ZDHHC12: variants seen among roughly 807,000 people sequenced by gnomAD.
ZDHHC12 encodes the protein palmitoyltransferase ZDHHC12.
In ZDHHC12, 26 loss-of-function variants were observed where a neutral mutation model predicts 33.2. That is an observed-to-expected ratio of 0.78 (90% CI 0.57 to 1.09). The LOEUF is 1.09. ZDHHC12 is among the 50% of genes least tolerant of loss of function. ZDHHC12 has a pLI of 0.00. For synonymous variants in ZDHHC12, 154 were observed against 152.1 expected (o/e 1.01, Z -0.09); for missense variants, 350 against 353.0 (o/e 0.99, Z 0.07).
chr9:128,724,062 A>G lies in ZDHHC12; in HGVS notation c.32T>C (p.Val11Ala), dbSNP rs778180648. ...CACGGTGTGCCCGGTCCGCACCAGGACCCCAGGGCTGAGGAGCGCCCAGGG... is the reference window on the plus strand; with the variant it reads ...CACGGTGTGCCCGGTCCGCACCAGGGCCCCAGGGCTGAGGAGCGCCCAGGG... MAPWALLSPG[V>A]LVRTGHTVLT... Residue 11 changes from valine to alanine, a missense_variant, in exon 1 of 5, where the codon GTC becomes GCC. Transcript: ENST00000372663. 3 of 1,605,020 alleles carry G rather than the reference A, an allele frequency of 1.9e-6. No homozygotes were observed. Among genetic ancestry groups the G allele is most frequent in the Non-Finnish European group, 2.6e-6 (3 of 1,174,342 alleles).
In ZDHHC12 at chr9:128,721,913, T is replaced by G; in HGVS notation, c.315+96A>C. ...AGGGCCTGATTCTGGAAGGCCTTCT[T>G]GGAGGAGGGGCGAGGCCCAGGCAGT... is the stretch of plus-strand genomic sequence containing the variant. On this transcript the variant is annotated intron_variant, in intron 3 of 4. Transcript: ENST00000372663. This position sits in a 1 kb window ranked among gnomAD's most constrained non-coding sequence, Gnocchi z 6.9. The G allele has an allele frequency of 6.2e-7, 1 of 1,603,750 alleles. No individual in the cohort carries two copies. Among genetic ancestry groups the G allele is most frequent in the African/African-American group, 1.3e-5 (1 of 74,796 alleles).
chr9:128,722,911 G>A lies in ZDHHC12; in HGVS notation c.101-337C>T. ...AGTGAGGGAGGAAGGAATGGACAGG[G>A]GGCTGCTGGGTCAAGGGAGCCAGAC... On this transcript the variant is annotated intron_variant, in intron 1 of 4. Transcript: ENST00000372663. This position sits in a 1 kb window ranked among gnomAD's most constrained non-coding sequence, Gnocchi z 4.2. The A allele has an allele frequency of 2.3e-6, 1 of 436,648 alleles. No homozygotes were observed. Among genetic ancestry groups the A allele is most frequent in the East Asian group, 7.3e-5 (1 of 13,756 alleles). The allele number at this position is 436,648 out of a possible 1,614,324, so 27.0% of individuals were successfully genotyped here. A position where few individuals can be genotyped will look rare whatever the true frequency, so the allele number is the denominator to read the frequency against.
rs373582038 is a variant in ZDHHC12 at position 128,722,488 on chromosome 9, C to A, written c.187G>T (p.Ala63Ser). The A allele has an allele frequency of 6.4e-7, 1 of 1,567,700 alleles. No homozygotes were observed. The highest frequency in any genetic ancestry group is 1.9e-5 in the Admixed American group (1 of 53,246). The change falls in exon 2 of 5, where the codon GCT becomes TCT. Residue 63 changes from alanine (A) to serine (S), a missense_variant. Transcript: ENST00000372663. This position sits in a 1 kb window ranked among gnomAD's most constrained non-coding sequence, Gnocchi z 4.2. The part of the protein sequence containing the change: ...LVLGSLLLYL[A>S]VSLMDPGYVN... The stretch of plus-strand genomic sequence containing the variant: ...TAGCCAGGGTCCATGAGTGACACAG[C>A]GAGGTAGAGCAGCAGGGAGCCCAGC...
At position 128,721,467 on chromosome 9, in the gene ZDHHC12, C is replaced by T; in HGVS notation, c.518G>A (p.Trp173Ter). 1 of 1,593,738 alleles carries T rather than the reference C, an allele frequency of 6.3e-7. No homozygotes were observed. The highest frequency in any genetic ancestry group is 8.5e-7 in the Non-Finnish European group (1 of 1,170,758). The stretch of plus-strand genomic sequence containing the variant: ...GAACAGGAGCCCGCTGGACCGCAAC[C>T]ACTGACCCCAGGGCTGGAAGAACCG... ...GLRFFQPWGQ[W>*]LRSSGLLFAT... is the part of the protein sequence containing the mutation. Residue 173 changes from tryptophan to a stop codon, truncating the protein, a stop_gained, in exon 5 of 5, where the codon TGG (tryptophan) becomes TAG (stop). Coordinates refer to ENST00000372663, the MANE Select transcript of ZDHHC12 (RefSeq NM_032799.5). LOFTEE classifies it high-confidence loss of function. This position sits in a 1 kb window ranked among gnomAD's most constrained non-coding sequence, Gnocchi z 6.9.
Position 128,724,100 on chromosome 9 carries a change from G to C in ZDHHC12, c.-7C>G. ...GGAGCGCCCAGGGCGCCATCGCCTC[G>C]GCCCGGGGCCCCACCCGGAAGAAGC... On this transcript the variant is annotated 5_prime_UTR_variant, in exon 1 of 5. Transcript: ENST00000372663. The C allele has an allele frequency of 6.5e-7, 1 of 1,547,590 alleles. No homozygotes were observed. Among genetic ancestry groups the C allele is most frequent in the Non-Finnish European group, 8.7e-7 (1 of 1,143,114 alleles).
chr9:128,721,710 G>T lies in ZDHHC12; in HGVS notation c.423C>A (p.Leu141=), dbSNP rs1343463930. The change falls in exon 4 of 5, where the codon CTC becomes CTA. Residue 141 remains leucine, a synonymous_variant. Coordinates refer to ENST00000372663, the MANE Select transcript of ZDHHC12 (RefSeq NM_032799.5). This position sits in a 1 kb window ranked among gnomAD's most constrained non-coding sequence, Gnocchi z 6.9. ...GCTGCAGCGCCAGGTAGACCACAAA[G>T]AGTGGGTGGTTGCGCTCTCCCACAC... ...ENCVGERNHP[L]FVVYLALQLV... is the part of the protein sequence containing the mutation. The T allele has an allele frequency of 1.2e-6, 2 of 1,613,948 alleles. No individual in the cohort carries two copies. Among genetic ancestry groups the T allele is most frequent in the Non-Finnish European group, 1.7e-6 (2 of 1,180,000 alleles).
Position 128,721,841 on chromosome 9 carries a change from G to C in ZDHHC12, c.316-24C>G. 1 of 1,609,734 alleles carries C rather than the reference G, an allele frequency of 6.2e-7. No homozygotes were observed. The highest frequency in any genetic ancestry group is 8.5e-7 in the Non-Finnish European group (1 of 1,177,854). ...TGCTGTGGGCATGGAGGAGAGTGGA[G>C]GCTCAGTGCCAGCCCTGCTGTGGGC... On this transcript the variant is annotated intron_variant, in intron 3 of 4. Coordinates refer to ENST00000372663, the MANE Select transcript of ZDHHC12 (RefSeq NM_032799.5). This position sits in a 1 kb window ranked among gnomAD's most constrained non-coding sequence, Gnocchi z 6.9.
Position 128,724,024 on chromosome 9 carries a change from T to G in ZDHHC12, c.70A>C (p.Ile24Leu), listed in dbSNP as rs769185065. 1 of 1,613,124 alleles carries G rather than the reference T, an allele frequency of 6.2e-7. No individual in the cohort carries two copies. ...TCGTGCAGGAAGAGCACCAGCGTGA[T>G]TCCCCAGGTCAGCACGGTGTGCCCG... ...RTGHTVLTWG[I>L]TLVLFLHDTE... The change falls in exon 1 of 5, where the codon ATC (isoleucine) becomes CTC (leucine). Residue 24 changes from isoleucine (I) to leucine (L), a missense_variant. Ile to Leu is a conservative substitution (Grantham distance 5, BLOSUM62 2). Coordinates refer to ENST00000372663, the MANE Select transcript of ZDHHC12 (RefSeq NM_032799.5).
Position 128,721,544 on chromosome 9 carries a change from G to C in ZDHHC12, c.483-42C>G. 6.3e-7 allele frequency: 1 copy of C among 1,590,904 alleles called. No homozygotes were observed. Among genetic ancestry groups the C allele is most frequent in the Non-Finnish European group, 8.6e-7 (1 of 1,166,544 alleles). On this transcript the variant is annotated intron_variant, in intron 4 of 4. Coordinates refer to ENST00000372663, the MANE Select transcript of ZDHHC12 (RefSeq NM_032799.5). The surrounding 1 kb of genome is among the most constrained non-coding windows in gnomAD (Gnocchi z 6.9). Reference sequence around the variant, plus strand: ...AGGGGCCTGGTGCTGGGGGAGGGCAGGGGAGCCCTTCCCTCCCCATGCCGG... The same window carrying C: ...AGGGGCCTGGTGCTGGGGGAGGGCACGGGAGCCCTTCCCTCCCCATGCCGG...
chr9:128,722,011 G>A lies in ZDHHC12; in HGVS notation c.313C>T (p.Leu105=), dbSNP rs772190260. ...ACGGGTGTCCGTGCATCACTCACCA[G>A]CACCAGGCAGTATCTGCAGCGCCGA... ...PLRRCRYCLV[L]QPLRARHCRE... Residue 105 remains leucine, a splice_region_variant and synonymous_variant, in exon 3 of 5, where the codon CTG becomes TTG. Transcript: ENST00000372663. The surrounding 1 kb of genome is among the most constrained non-coding windows in gnomAD (Gnocchi z 4.2). 5.0e-6 allele frequency: 8 copies of A among 1,614,032 alleles called. No individual in the cohort carries two copies. The East Asian group carries it at 1.8e-4, about 36-fold the overall frequency.
Position 128,723,844 on chromosome 9 carries a change from A to C in ZDHHC12, c.100+150T>G. On this transcript the variant is annotated intron_variant, in intron 1 of 4. Transcript: ENST00000372663. This position sits in a 1 kb window ranked among gnomAD's most constrained non-coding sequence, Gnocchi z 4.4. ...AGACAGAGAGCAGGTGGCTCTTGGA[A>C]TGATAGATGGGGAGAGGGCTTCAGG... 1 of 1,213,870 alleles carries C rather than the reference A, an allele frequency of 8.2e-7. No individual in the cohort carries two copies. The highest frequency in any genetic ancestry group is 1.1e-6 in the Non-Finnish European group (1 of 875,418). 75.2% of individuals were successfully genotyped at this position (1,213,870 alleles called of 1,614,324 possible). A position where few individuals can be genotyped will look rare whatever the true frequency, so the allele number is the denominator to read the frequency against.
In ZDHHC12 at chr9:128,722,385, G is replaced by C; in HGVS notation, c.237+53C>G. On this transcript the variant is annotated intron_variant, in intron 2 of 4. Coordinates refer to ENST00000372663, the MANE Select transcript of ZDHHC12 (RefSeq NM_032799.5). The surrounding 1 kb of genome is among the most constrained non-coding windows in gnomAD (Gnocchi z 4.2). ...CCTGCAGCACAGAGCCTGGCATGGA[G>C]ACTGGTGCTGGTTGTTAGGTCCCTG... The C allele has an allele frequency of 6.2e-6, 9 of 1,459,220 alleles. No individual in the cohort carries two copies. The highest frequency in any genetic ancestry group is 7.3e-6 in the Non-Finnish European group (8 of 1,103,232). 90.4% of individuals were successfully genotyped at this position (1,459,220 alleles called of 1,614,324 possible).
In ZDHHC12 at chr9:128,723,725, G is replaced by C; in HGVS notation, c.100+269C>G. On this transcript the variant is annotated intron_variant, in intron 1 of 4. Transcript: ENST00000372663. This position sits in a 1 kb window ranked among gnomAD's most constrained non-coding sequence, Gnocchi z 4.4. Reference sequence around the variant, plus strand: ...GGACATGGGGCTCAAGTCGGTCCTTGGATCTGGTGGGCACCGGCTGGGTCC... The same window carrying C: ...GGACATGGGGCTCAAGTCGGTCCTTCGATCTGGTGGGCACCGGCTGGGTCC... The C allele has an allele frequency of 1.9e-6, 1 of 523,128 alleles. No individual in the cohort carries two copies. Among genetic ancestry groups the C allele is most frequent in the East Asian group, 3.2e-5 (1 of 31,500 alleles). The allele number at this position is 523,128 out of a possible 1,614,324, so 32.4% of individuals were successfully genotyped here.
At position 128,721,330 on chromosome 9, in the gene ZDHHC12, G is replaced by C. The variant is rs199869993; in HGVS notation, c.655C>G (p.Arg219Gly). The C allele has an allele frequency of 7.5e-6, 12 of 1,592,700 alleles. No individual in the cohort carries two copies. The East Asian group carries it at 2.7e-4, about 36-fold the overall frequency. ...GGGCGCTGGCGGAGATAGGCGATGC[G>C]GTGTGAGGAGATGAATTCCCAGGTG... is the stretch of plus-strand genomic sequence containing the variant. ...TTTWEFISSH[R>G]IAYLRQRPSN... is the part of the protein sequence containing the mutation. Residue 219 changes from arginine (R) to glycine (G), a missense_variant, in exon 5 of 5, where the codon CGC (arginine) becomes GGC (glycine). Coordinates refer to ENST00000372663, the MANE Select transcript of ZDHHC12 (RefSeq NM_032799.5). The surrounding 1 kb of genome is among the most constrained non-coding windows in gnomAD (Gnocchi z 6.9).
chr9:128,721,525 C>G lies in ZDHHC12; in HGVS notation c.483-23G>C, dbSNP rs990871957. The G allele has an allele frequency of 6.3e-7, 1 of 1,597,314 alleles. No individual in the cohort carries two copies. Among genetic ancestry groups the G allele is most frequent in the African/African-American group, 1.3e-5 (1 of 74,514 alleles). On this transcript the variant is annotated intron_variant, in intron 4 of 4. Transcript: ENST00000372663. This position sits in a 1 kb window ranked among gnomAD's most constrained non-coding sequence, Gnocchi z 6.9. Reference sequence around the variant, plus strand: ...GACCTGCGGTGCAGGGGACAGGGGCCTGGTGCTGGGGGAGGGCAGGGGAGC... The same window carrying G: ...GACCTGCGGTGCAGGGGACAGGGGCGTGGTGCTGGGGGAGGGCAGGGGAGC...
rs1369031655 is a variant in ZDHHC12, at chr9:128,722,647, A to G, written c.101-73T>C. ...GTGGGTGGGGTTGGGGTGCAGTTGG[A>G]GGTGGGGAAGTGTGTTCCTGGCTGA... is the stretch of plus-strand genomic sequence containing the variant. On this transcript the variant is annotated intron_variant, in intron 1 of 4. Transcript: ENST00000372663. This position sits in a 1 kb window ranked among gnomAD's most constrained non-coding sequence, Gnocchi z 4.2. The G allele has an allele frequency of 4.5e-6, 7 of 1,544,658 alleles. No individual in the cohort carries two copies. The highest frequency in any genetic ancestry group is 6.1e-6 in the Non-Finnish European group (7 of 1,142,796).
Position 128,724,010 on chromosome 9 carries a change from G to A in ZDHHC12, c.84C>T (p.Leu28=), listed in dbSNP as rs1449143081. The change falls in exon 1 of 5, where the codon CTC becomes CTT. Residue 28 remains leucine, a synonymous_variant. Coordinates refer to ENST00000372663, the MANE Select transcript of ZDHHC12 (RefSeq NM_032799.5). ...CCGGCTCACCGGTATCGTGCAGGAA[G>A]AGCACCAGCGTGATTCCCCAGGTCA... ...TVLTWGITLV[L]FLHDTELRQW... 2 of 1,612,902 alleles carry A rather than the reference G, an allele frequency of 1.2e-6. No individual in the cohort carries two copies. Among genetic ancestry groups the A allele is most frequent in the Non-Finnish European group, 8.5e-7 (1 of 1,179,470 alleles).
chr9:128,721,497 C>G lies in ZDHHC12; in HGVS notation c.488G>C (p.Gly163Ala). 1 of 1,600,282 alleles carries G rather than the reference C, an allele frequency of 6.2e-7. No individual in the cohort carries two copies. Among genetic ancestry groups the G allele is most frequent in the Non-Finnish European group, 8.5e-7 (1 of 1,173,864 alleles). Residue 163 changes from glycine to alanine, a missense_variant, in exon 5 of 5, where the codon GGC (glycine) becomes GCC (alanine). Gly to Ala is a moderately conservative substitution (Grantham distance 60). Transcript: ENST00000372663. This position sits in a 1 kb window ranked among gnomAD's most constrained non-coding sequence, Gnocchi z 6.9. ...ACCCCAGGGCTGGAAGAACCGGAGGCCTGACCTGCGGTGCAGGGGACAGGG... is the reference window on the plus strand; with the variant it reads ...ACCCCAGGGCTGGAAGAACCGGAGGGCTGACCTGCGGTGCAGGGGACAGGG... ...LLWGLYLAWS[G>A]LRFFQPWGQW...
rs1353297018 is a variant in ZDHHC12, at chr9:128,721,294, A to G, written c.691T>C (p.Phe231Leu). 6.3e-7 allele frequency: 1 copy of G among 1,597,158 alleles called. No homozygotes were observed. The highest frequency in any genetic ancestry group is 2.3e-5 in the East Asian group (1 of 44,366). Reference sequence around the variant, plus strand: ...AGGTTGCGGGTCAGGCCTCGGTCGAAGGGGTTGCTGGGGCGCTGGCGGAGA... The same window carrying G: ...AGGTTGCGGGTCAGGCCTCGGTCGAGGGGGTTGCTGGGGCGCTGGCGGAGA... ...AYLRQRPSNP[F>L]DRGLTRNLAH... Residue 231 changes from phenylalanine (F) to leucine (L), a missense_variant, in exon 5 of 5, where the codon TTC becomes CTC. Coordinates refer to ENST00000372663, the MANE Select transcript of ZDHHC12 (RefSeq NM_032799.5). This position sits in a 1 kb window ranked among gnomAD's most constrained non-coding sequence, Gnocchi z 6.9.
Sources: gnomAD v4.1 joint callset for allele counts on GRCh38, gnomAD v4.1.1 for gene constraint, Gnocchi (gnomAD v3.1) non-coding constraint, MANE v1.5 for transcripts, NCBI Gene and HGNC (gene_info 2026-07-23, HGNC 2026-07-21) for gene names.